The following SHISA9 variants were observed in gnomAD, a reference collection of about 807,000 sequenced individuals.
The protein encoded by SHISA9 is shisa family member 9.
In SHISA9, 13 loss-of-function variants were observed where a neutral mutation model predicts 38.0. That is an observed-to-expected ratio of 0.34 (90% confidence interval 0.22 to 0.54). SHISA9 has a LOEUF of 0.54. Among genes scored for constraint, SHISA9 ranks in the 20% least tolerant of loss-of-function variants. The probability of loss-of-function intolerance (pLI) is 0.91; values close to 1 mark genes in which losing one functional copy is unlikely to be tolerated. For synonymous variants in SHISA9, 275 were observed against 242.0 expected (o/e 1.14, Z -1.27); for missense variants, 538 against 575.8 (o/e 0.93, Z 0.67).
chr16:13,397,458 G>A, the SHISA9 span, among the ~76,000 whole-genome samples: 328 of 152,016 alleles, frequency 2.2e-3, no homozygotes, highest in African/African-American at 7.3e-3. Context: ...GCAGAGTCTC[G>A]CTCTGCTGCC....
At chr16:12,981,004 T>C (rs187929362) in intron 2 of SHISA9, among the ~76,000 whole-genome samples, 9 of 152,376 alleles carry the variant, frequency 5.9e-5, no homozygotes, top group African/African-American at 2.2e-4. Flanking sequence ...TAAGTCCATC[T>C]GTTCTAATGT....
chr16:13,022,489 A>G (rs2072869903), intron 2 of SHISA9, among the ~76,000 whole-genome samples: 1 of 151,894 alleles, frequency 6.6e-6, no homozygotes, highest in Non-Finnish European at 1.5e-5. Flanking sequence ...GTGCCACCAC[A>G]CCCGGCTAAT....
the SHISA9 span, among the ~76,000 whole-genome samples, chr16:13,362,651 A>C: frequency 6.6e-6 from 1 of 152,156 alleles, no homozygotes; most frequent in African/African-American, 2.4e-5. Context: ...AAATTTTATG[A>C]AGCACTTCAT....
At chr16:13,112,011 C>A (rs1002868861) in intron 2 of SHISA9, among the ~76,000 whole-genome samples, 1 of 152,180 alleles carries the variant, frequency 6.6e-6, no homozygotes, top group Non-Finnish European at 1.5e-5. Context: ...GTCTGTCTGA[C>A]TTTCGGGCCT....
chr16:13,131,719 C>G (rs535609506), intron 2 of SHISA9, among the ~76,000 whole-genome samples: 7 of 152,278 alleles, frequency 4.6e-5, no homozygotes, highest in African/African-American at 1.7e-4. Flanking sequence ...TATACAACCC[C>G]CAAGGAGTGA....
chr16:13,204,249 T>C (rs2051041905), intron 3 of SHISA9, among the ~76,000 whole-genome samples: 1 of 150,094 alleles, frequency 6.7e-6, no homozygotes, highest in African/African-American at 2.4e-5. Context: ...TCTATCTATC[T>C]ACCCATCTTC....
chr16:13,544,429 G>GTTTTTTTTTTTTTTTTTTTTTTTTTT, the SHISA9 span, among the ~76,000 whole-genome samples: 3 of 102,116 alleles, frequency 2.9e-5, 1 homozygote, highest in Admixed American at 1.2e-4. Flanking sequence ...TTTTTTTCTT[G>GTTTTTTTTTTTTTTTTTTTTTTTTTT]TTTTTTTTTT....
the SHISA9 span, among the ~76,000 whole-genome samples, chr16:13,539,737 C>G: frequency 3.3e-5 from 5 of 152,016 alleles, no homozygotes; most frequent in Non-Finnish European, 7.4e-5. Flanking sequence ...TTTTTGAATC[C>G]TCATCCTCCT....
the SHISA9 span, among the ~76,000 whole-genome samples, chr16:13,285,470 T>TTG: frequency 6.7e-6 from 1 of 148,820 alleles, no homozygotes; most frequent in African/African-American, 2.5e-5. Context: ...TAGTTTTTTT[T>TTG]TTTTTTTTTT....
chr16:13,150,225 A>G (rs2050487104), intron 2 of SHISA9, among the ~76,000 whole-genome samples: 1 of 151,344 alleles, frequency 6.6e-6, no homozygotes, highest in Admixed American at 6.6e-5. Flanking sequence ...ACCTCTTTGT[A>G]TTTTCTCATG....
chr16:13,266,418 G>T, the SHISA9 span, among the ~76,000 whole-genome samples: 1 of 152,048 alleles, frequency 6.6e-6, no homozygotes, highest in African/African-American at 2.4e-5. Flanking sequence ...CTGTCTCTAA[G>T]AGCCTGGAGT....
the SHISA9 span, among the ~76,000 whole-genome samples, chr16:13,438,265 C>A: frequency 6.6e-6 from 1 of 152,194 alleles, no homozygotes; most frequent in Non-Finnish European, 1.5e-5. Context: ...GCAATGAAAT[C>A]ATTTTCTTAA....
chr16:13,394,174 G>T, the SHISA9 span, among the ~76,000 whole-genome samples: 1 of 152,088 alleles, frequency 6.6e-6, no homozygotes, highest in East Asian at 1.9e-4. Flanking sequence ...CACACCCCAC[G>T]TAGAAACTAG....
intron 2 of SHISA9, among the ~76,000 whole-genome samples, chr16:12,939,266 T>G (rs1483020614): frequency 2.6e-5 from 4 of 152,130 alleles, no homozygotes; most frequent in African/African-American, 4.8e-5. Flanking sequence ...GTGTTTTTAG[T>G]AGAGACGGGG....
At chr16:13,039,097 C>T (rs940030146) in intron 2 of SHISA9, among the ~76,000 whole-genome samples, 9 of 152,164 alleles carry the variant, frequency 5.9e-5, no homozygotes, top group Admixed American at 2.0e-4. Context: ...GTAATAGAGA[C>T]GGGGTTTCAC....
At chr16:13,277,104 T>G in the SHISA9 span, among the ~76,000 whole-genome samples, 3 of 152,098 alleles carry the variant, frequency 2.0e-5, no homozygotes, top group Non-Finnish European at 4.4e-5. Flanking sequence ...AGATGAGAGA[T>G]GAGGATCCAG....
At chr16:13,362,023 C>T in the SHISA9 span, among the ~76,000 whole-genome samples, 4 of 152,090 alleles carry the variant, frequency 2.6e-5, no homozygotes, top group African/African-American at 9.7e-5. Flanking sequence ...GAGTGATTCA[C>T]TTAACATTTC....
chr16:13,328,216 G>C, the SHISA9 span, among the ~76,000 whole-genome samples: 1 of 152,016 alleles, frequency 6.6e-6, no homozygotes, highest in East Asian at 1.9e-4. Context: ...AGGCAGACTG[G>C]AGTAGATTAG....
intron 2 of SHISA9, among the ~76,000 whole-genome samples, chr16:13,138,841 C>T (rs1485944294): frequency 6.6e-6 from 1 of 152,116 alleles, no homozygotes; most frequent in South Asian, 2.1e-4. Context: ...TTCATGGCTC[C>T]TGACATGGCC....
Sources: gnomAD v4.1 joint callset for allele counts (sites outside exome capture counted in the v4.1 genomes callset) on GRCh38, gnomAD v4.1.1 for gene constraint, MANE v1.5 for transcripts, NCBI Gene and HGNC (gene_info 2026-07-23, HGNC 2026-07-21) for gene names.